Variants in USH2A observed in about 807,000 individuals in gnomAD.
USH2A encodes Usher syndrome 2A (autosomal recessive, mild).
Under a neutral mutation model 538.9 loss-of-function variants are expected in USH2A, and 443 were observed. The observed-to-expected ratio is 0.82, with a 90% CI of 0.76 to 0.89. USH2A has a LOEUF of 0.89. Among genes scored for constraint, USH2A ranks in the 40% least tolerant of loss-of-function variants. The probability of loss-of-function intolerance (pLI) is 0.00; values close to 1 mark genes in which losing one functional copy is unlikely to be tolerated. For synonymous variants in USH2A, 2,413 were observed against 2,273.5 expected, an observed-to-expected ratio of 1.06 and a Z score of -1.75; for missense variants, 6,633 against 6,324.8, an observed-to-expected ratio of 1.05 and a Z score of -1.65.
rs2102821819 is a variant in USH2A at position 215,844,395 on chromosome 1, A to T, written c.9157T>A (p.Tyr3053Asn). 1 of 1,613,768 alleles carries T rather than the reference A, an allele frequency of 6.2e-7. No homozygotes were observed. The highest frequency in any genetic ancestry group is 8.5e-7 in the Non-Finnish European group (1 of 1,179,882). Residue 3053 changes from tyrosine (Y) to asparagine (N), a missense_variant, in exon 46 of 72, where the codon TAT becomes AAT. By Grantham distance (143) the Tyr-to-Asn change is moderately radical. Coordinates refer to ENST00000307340, the MANE Select transcript of USH2A (RefSeq NM_206933.4). ...AGCTTATTATTTACATAGATAGAAT[A>T]CTCAGTGACAACACCATTTGGGTTT... is the stretch of plus-strand genomic sequence containing the variant. Reference protein sequence around the residue: ...PSNPNGVVTEYSIYVNNKLYK... With the variant: ...PSNPNGVVTENSIYVNNKLYK...
rs546177179 is a variant in USH2A, at chr1:216,033,026, C to T, written c.6325+13405G>A. Among the ~76,000 whole-genome samples the T allele has an allele frequency of 2.0e-5, 3 of 152,282 alleles. No individual in the cohort carries two copies. The East Asian group carries it at 5.8e-4, about 29-fold the overall frequency. ...GTACAAGGTATTGCTTTAATACCTT[C>T]ACTCCCAGGCCTGGCCCATAACAAT... is the stretch of plus-strand genomic sequence containing the variant. On this transcript the variant is annotated intron_variant, in intron 32 of 71. Transcript: ENST00000307340.
At chr1:216,384,194 T>TA (rs568786578) in intron 3 of USH2A, among the ~76,000 whole-genome samples, 53 of 151,328 alleles carry the variant, frequency 3.5e-4, no homozygotes, top group African/African-American at 1.2e-3. Flanking sequence ...TAAAGTAGAA[T>TA]AAAAAAAATT....
At chr1:215,851,680 A>G (rs1664019577) in intron 44 of USH2A, among the ~76,000 whole-genome samples, 1 of 152,194 alleles carries the variant, frequency 6.6e-6, no homozygotes, top group Non-Finnish European at 1.5e-5. Flanking sequence ...CACTCCTTAC[A>G]TCATTCTTTG....
At chr1:215,916,580 C>T (rs61828486) in intron 38 of USH2A, among the ~76,000 whole-genome samples, 21,878 of 151,906 alleles carry the variant, frequency 0.14, 1,679 homozygotes, top group Non-Finnish European at 0.15. Flanking sequence ...TTATATAAAA[C>T]CCAATGGGCA....
chr1:215,627,499 TC>T (rs1656096788), intron 71 of USH2A, among the ~76,000 whole-genome samples: 1 of 147,446 alleles, frequency 6.8e-6, no homozygotes, highest in East Asian at 2.1e-4. Context: ...CTTCCTTCCT[TC>T]CTTCTTTCCT....
At chr1:216,115,161 C>A (rs1462820147) in intron 21 of USH2A, among the ~76,000 whole-genome samples, 1 of 151,614 alleles carries the variant, frequency 6.6e-6, no homozygotes, top group East Asian at 1.9e-4. Context: ...GAGACAAGGT[C>A]TTTCTCTGTT....
chr1:216,176,880 T>C (rs992331378), intron 20 of USH2A, among the ~76,000 whole-genome samples: 2 of 152,228 alleles, frequency 1.3e-5, no homozygotes, highest in Admixed American at 6.5e-5. Flanking sequence ...TGCTAGCTCA[T>C]TTAATGCTAA....
chr1:215,669,327 G>A (rs961361638), intron 64 of USH2A, among the ~76,000 whole-genome samples: 2 of 152,226 alleles, frequency 1.3e-5, no homozygotes, highest in South Asian at 2.1e-4. Flanking sequence ...GGGCAGGCAC[G>A]TAGGTTCTGG....
intron 38 of USH2A, among the ~76,000 whole-genome samples, chr1:215,912,631 G>A (rs2102481161): frequency 6.6e-6 from 1 of 151,662 alleles, no homozygotes; most frequent in South Asian, 2.1e-4. Flanking sequence ...TATCCTTTGA[G>A]TTACGAACAT....
chr1:216,097,610 A>C (rs1276082549), intron 21 of USH2A, among the ~76,000 whole-genome samples: 1 of 152,180 alleles, frequency 6.6e-6, no homozygotes, highest in East Asian at 1.9e-4. Context: ...ATATTTATGA[A>C]GTTTAAAGAA....
intron 3 of USH2A, among the ~76,000 whole-genome samples, chr1:216,392,690 T>C (rs1317591804): frequency 6.6e-6 from 1 of 152,062 alleles, no homozygotes; most frequent in East Asian, 1.9e-4. Context: ...GACAAAATTA[T>C]ATATGTTTTA....
At chr1:216,255,485 T>C (rs1473434379) in intron 11 of USH2A, among the ~76,000 whole-genome samples, 1 of 152,238 alleles carries the variant, frequency 6.6e-6, no homozygotes, top group Non-Finnish European at 1.5e-5. Context: ...CCTCTTCTAA[T>C]CTTGGATTAT....
At chr1:216,246,092 T>C (rs1572087593) in intron 13 of USH2A, among the ~76,000 whole-genome samples, 1 of 152,300 alleles carries the variant, frequency 6.6e-6, no homozygotes, top group South Asian at 2.1e-4. Flanking sequence ...AGTGGCCTAT[T>C]TTATTAATTT....
chr1:215,792,696 GA>G (rs1662013653), intron 50 of USH2A, among the ~76,000 whole-genome samples: 1 of 152,198 alleles, frequency 6.6e-6, no homozygotes, highest in Admixed American at 6.5e-5. Context: ...CAGCATGAAT[GA>G]GCTGCAAATT....
intron 64 of USH2A, 135 bp from the exon 65 acceptor site, chr1:215,650,936 T>C (rs967877410): frequency 1.1e-6 from 1 of 906,576 alleles, no homozygotes; most frequent in Non-Finnish European, 1.7e-6. Context: ...TAAACTTTGA[T>C]CTTGCAACCT....
chr1:215,720,234 C>T (rs1419375310), intron 61 of USH2A, among the ~76,000 whole-genome samples: 1 of 152,056 alleles, frequency 6.6e-6, no homozygotes, highest in African/African-American at 2.4e-5. Context: ...TATATCTTTC[C>T]CACTTCAGGG....
chr1:215,813,825 T>C lies in USH2A; in HGVS notation c.9650A>G (p.Asn3217Ser). 1.9e-6 allele frequency: 3 copies of C among 1,613,936 alleles called. No individual in the cohort carries two copies. The highest frequency in any genetic ancestry group is 2.5e-6 in the Non-Finnish European group (3 of 1,179,876). Residue 3217 changes from asparagine to serine, a missense_variant, in exon 49 of 72, where the codon AAT becomes AGT. By Grantham distance (46) the Asn-to-Ser change is conservative. Coordinates refer to ENST00000307340, the MANE Select transcript of USH2A (RefSeq NM_206933.4). ...GCCACCACAACAAACTCCAGTAGAA[T>C]TCAGAACAAACGGGATATACTTTTC... ...CEEKYIPFVL[N>S]STGVCCGGRI...
intron 21 of USH2A, among the ~76,000 whole-genome samples, chr1:216,103,479 C>G (rs1353513845): frequency 3.9e-5 from 6 of 152,064 alleles, no homozygotes; most frequent in Admixed American, 3.9e-4. Flanking sequence ...CAAGTAATAG[C>G]CATACAAAGC....
At chr1:216,111,062 C>T (rs570074996) in intron 21 of USH2A, among the ~76,000 whole-genome samples, 1 of 152,120 alleles carries the variant, frequency 6.6e-6, no homozygotes, top group East Asian at 1.9e-4. Flanking sequence ...CCCATCTCTA[C>T]CAAAAATACA....
Sources: allele counts gnomAD v4.1 joint callset (sites outside exome capture counted in the v4.1 genomes callset), GRCh38; gene constraint gnomAD v4.1.1; transcripts MANE v1.5; gene names NCBI Gene and HGNC (gene_info 2026-07-23, HGNC 2026-07-21).